Variants in CADPS2 observed in about 807,000 individuals in gnomAD.
CADPS2 encodes calcium-dependent secretion activator 2.
CADPS2 carries 93 observed loss-of-function variants against 172.5 expected under a neutral mutation model. The observed-to-expected ratio is 0.54, with a 90% CI of 0.46 to 0.64. The LOEUF is 0.64. CADPS2 is among the 30% of genes least tolerant of loss of function. The pLI is 0.00. For missense variants in CADPS2, 1,420 were observed against 1,565.9 expected, an observed-to-expected ratio of 0.91 and a Z score of 1.57; for synonymous variants, 546 against 555.2, an observed-to-expected ratio of 0.98 and a Z score of 0.23.
chr7:122,374,669 T>G (rs781420696), intron 25 of CADPS2, among the ~76,000 whole-genome samples: 1 of 151,992 alleles, frequency 6.6e-6, no homozygotes, highest in Non-Finnish European at 1.5e-5. Context: ...AAATGGGAGT[T>G]GAACGAGAAA....
intron 7 of CADPS2, among the ~76,000 whole-genome samples, chr7:122,564,794 T>C (rs2066192036): frequency 1.3e-5 from 2 of 151,710 alleles, no homozygotes; most frequent in African/African-American, 2.4e-5. Flanking sequence ...CTGCATAAAA[T>C]TTTTAATTGC....
intron 2 of CADPS2, among the ~76,000 whole-genome samples, chr7:122,694,096 A>G (rs1245938514): frequency 6.6e-6 from 1 of 152,264 alleles, no homozygotes; most frequent in Non-Finnish European, 1.5e-5. Context: ...AAGCAGATGT[A>G]GAAATGATTC....
At chr7:122,746,481 T>C (rs1007194280) in intron 1 of CADPS2, among the ~76,000 whole-genome samples, 5 of 152,114 alleles carry the variant, frequency 3.3e-5, no homozygotes, top group Admixed American at 2.0e-4. Flanking sequence ...TAACCTAGGT[T>C]TCCTGAACCC....
chr7:122,571,545 G>C (rs1330673513), intron 7 of CADPS2, among the ~76,000 whole-genome samples: 1 of 152,044 alleles, frequency 6.6e-6, no homozygotes, highest in East Asian at 1.9e-4. Flanking sequence ...GAATGACCAA[G>C]GCAGACACAC....
intron 1 of CADPS2, among the ~76,000 whole-genome samples, chr7:122,878,516 T>G (rs1374826511): frequency 6.7e-6 from 1 of 150,156 alleles, no homozygotes; most frequent in Non-Finnish European, 1.5e-5. Flanking sequence ...GGCGGGTGCC[T>G]GTAGTCCCAG....
intron 15 of CADPS2, among the ~76,000 whole-genome samples, chr7:122,445,619 G>A (rs984761076): frequency 2.3e-4 from 35 of 152,214 alleles, no homozygotes; most frequent in African/African-American, 7.7e-4. Flanking sequence ...GAATTTAAGA[G>A]TAGCCCTGGG....
chr7:122,513,775 G>A (rs1205429640), intron 8 of CADPS2, among the ~76,000 whole-genome samples: 1 of 152,302 alleles, frequency 6.6e-6, no homozygotes, highest in South Asian at 2.1e-4. Flanking sequence ...ACCCCAAAAT[G>A]TGCCTGCACC....
At chr7:122,350,954 C>CT (rs1481078691) in intron 27 of CADPS2, among the ~76,000 whole-genome samples, 1 of 151,882 alleles carries the variant, frequency 6.6e-6, no homozygotes, top group Non-Finnish European at 1.5e-5. Context: ...AAGTGAAACT[C>CT]TGTCTCTAAA....
chr7:122,812,433 G>C (rs748898750), intron 1 of CADPS2, among the ~76,000 whole-genome samples: 1 of 151,180 alleles, frequency 6.6e-6, no homozygotes, highest in Non-Finnish European at 1.5e-5. Context: ...GAGAGAGAGA[G>C]AGAGAGCAAG....
At chr7:122,817,486 T>C (rs919644596) in intron 1 of CADPS2, among the ~76,000 whole-genome samples, 8 of 152,144 alleles carry the variant, frequency 5.3e-5, no homozygotes, top group African/African-American at 1.9e-4. Flanking sequence ...CCCAAAACTC[T>C]GGCGCCGGTC....
chr7:122,744,535 C>T (rs1299326655), intron 1 of CADPS2, among the ~76,000 whole-genome samples: 1 of 152,018 alleles, frequency 6.6e-6, no homozygotes, highest in Non-Finnish European at 1.5e-5. Context: ...TAAACTTGCC[C>T]CAGCGAACAG....
At chr7:122,805,013 T>C (rs1338388146) in intron 1 of CADPS2, among the ~76,000 whole-genome samples, 1 of 152,240 alleles carries the variant, frequency 6.6e-6, no homozygotes, top group African/African-American at 2.4e-5. Context: ...AGATACATTA[T>C]TTAATAATAA....
chr7:122,457,154 C>T (rs1209634772), intron 14 of CADPS2, among the ~76,000 whole-genome samples: 1 of 152,006 alleles, frequency 6.6e-6, no homozygotes, highest in Non-Finnish European at 1.5e-5. Flanking sequence ...AGGTAAAGAA[C>T]AACTACACTA....
At chr7:122,705,632 GAT>G (rs2086934258) in intron 2 of CADPS2, among the ~76,000 whole-genome samples, 2 of 90,110 alleles carry the variant, frequency 2.2e-5, no homozygotes, top group Non-Finnish European at 4.0e-5. Context: ...TATTATATAT[GAT>G]ATATAATATA....
rs149443023 is a variant in CADPS2, at chr7:122,488,391, C to G, written c.1852+1690G>C. Among the ~76,000 whole-genome samples the G allele has an allele frequency of 4.4e-3, 673 of 152,282 alleles. 3 individuals carry two copies. Among genetic ancestry groups the G allele is most frequent in the African/African-American group, 0.015 (622 of 41,564 alleles). On this transcript the variant is annotated intron_variant, in intron 11 of 29. Transcript: ENST00000449022. ...TAAGAGCTGTGCTGCAAGAGAAACG[C>G]CTGAGTGAGCACCCCTGTGCATAGC...
At chr7:122,521,464 C>CT (rs1299503951) in intron 8 of CADPS2, among the ~76,000 whole-genome samples, 3 of 102,756 alleles carry the variant, frequency 2.9e-5, no homozygotes, top group Admixed American at 1.5e-4. Flanking sequence ...AAGATTAAGA[C>CT]TTTTTTGCGG....
chr7:122,773,121 G>C (rs1055066123), intron 1 of CADPS2, among the ~76,000 whole-genome samples: 7 of 151,994 alleles, frequency 4.6e-5, no homozygotes, highest in Non-Finnish European at 8.8e-5. Flanking sequence ...AATTGTTCTA[G>C]TAATGAAAAG....
At chr7:122,540,747 C>T (rs1442001586) in intron 8 of CADPS2, among the ~76,000 whole-genome samples, 2 of 152,074 alleles carry the variant, frequency 1.3e-5, no homozygotes, top group Non-Finnish European at 2.9e-5. Flanking sequence ...AGGATAAACA[C>T]TTTCTTCTTT....
In CADPS2 at chr7:122,536,289, T is replaced by TAAAGATG. The variant is rs778950127; in HGVS notation, c.1475+18260_1475+18261insCATCTTT. Reference sequence around the variant, plus strand: ...AATTGCAAAACAGTGTGTTAGGAATTAAAATGAGGAATTAAAGATGAAAAT... The same window carrying TAAAGATG: ...AATTGCAAAACAGTGTGTTAGGAATTAAAGATGAAAATGAGGAATTAAAGATGAAAAT... On this transcript the variant is annotated intron_variant, in intron 8 of 29. Transcript: ENST00000449022. 4.6e-5 allele frequency among the ~76,000 whole-genome samples: 7 copies of TAAAGATG among 152,176 alleles called. No homozygotes were observed. The South Asian group carries it at 1.2e-3, about 27-fold the overall frequency.
Sources: gnomAD v4.1 joint callset for allele counts (sites outside exome capture counted in the v4.1 genomes callset) on GRCh38, gnomAD v4.1.1 for gene constraint, MANE v1.5 for transcripts, NCBI Gene and HGNC (gene_info 2026-07-23, HGNC 2026-07-21) for gene names.